Variants in INPP5D observed in about 807,000 individuals in gnomAD.
The protein encoded by INPP5D is phosphatidylinositol 3,4,5-trisphosphate 5-phosphatase 1.
INPP5D carries 33 observed loss-of-function variants against 122.9 expected under a neutral mutation model. The observed-to-expected ratio is 0.27, with a 90% confidence interval of 0.20 to 0.36. The LOEUF (loss-of-function observed/expected upper bound fraction) is 0.36, where lower values mean the gene tolerates loss of function less well. Among genes scored for constraint, INPP5D ranks in the 10% least tolerant of loss-of-function variants. The pLI, the probability that INPP5D is intolerant of heterozygous loss-of-function variation, is 1.00. For missense variants in INPP5D, 1,053 were observed against 1,412.7 expected (o/e 0.75, Z 4.08); for synonymous variants, 584 against 576.2 (o/e 1.01, Z -0.19).
At chr2:233,181,455 C>T (rs1384954621) in intron 18 of INPP5D, among the ~76,000 whole-genome samples, 1 of 152,188 alleles carries the variant, frequency 6.6e-6, no homozygotes, top group Non-Finnish European at 1.5e-5. Context: ...TGTGAAAGCC[C>T]AGACATGCTC....
At chr2:233,139,505 T>TGTGTGTG (rs1574759280) in intron 5 of INPP5D, among the ~76,000 whole-genome samples, 1 of 145,340 alleles carries the variant, frequency 6.9e-6, no homozygotes, top group East Asian at 2.0e-4. Flanking sequence ...TGTGTGTGTG[T>TGTGTGTG]TTTATAAACA....
chr2:233,125,727 T>C lies in INPP5D; in HGVS notation c.350-18T>C. On this transcript the variant is annotated intron_variant, in intron 3 of 26. Coordinates refer to ENST00000445964, the MANE Select transcript of INPP5D (RefSeq NM_001017915.3). Reference sequence around the variant, plus strand: ...CGCACAGTGTCCTCACCAATGGCCTTCCTGCTGTTCTCTCCAGTAGAAAGT... The same window carrying C: ...CGCACAGTGTCCTCACCAATGGCCTCCCTGCTGTTCTCTCCAGTAGAAAGT... 6.2e-7 allele frequency: 1 copy of C among 1,606,154 alleles called. No individual in the cohort carries two copies. The highest frequency in any genetic ancestry group is 8.5e-7 in the Non-Finnish European group (1 of 1,175,724).
chr2:233,204,726 C>A lies in INPP5D; in HGVS notation c.3567+9C>A, dbSNP rs1018104907. 1 of 1,491,700 alleles carries A rather than the reference C, an allele frequency of 6.7e-7. No individual in the cohort carries two copies. The highest frequency in any genetic ancestry group is 8.9e-7 in the Non-Finnish European group (1 of 1,123,526). The allele number at this position is 1,491,700 out of a possible 1,614,324, so 92.4% of individuals were successfully genotyped here. A position where few individuals can be genotyped will look rare whatever the true frequency, so the allele number is the denominator to read the frequency against. On this transcript the variant is annotated intron_variant, in intron 26 of 26. Transcript: ENST00000445964. ...GCAGGACTGCCATGCAGGTGCGCTGCGCCACACGTGGGTTCGTGTGCATTT... is the reference window on the plus strand; with the variant it reads ...GCAGGACTGCCATGCAGGTGCGCTGAGCCACACGTGGGTTCGTGTGCATTT...
intron 13 of INPP5D, among the ~76,000 whole-genome samples, chr2:233,165,990 T>C (rs764840709): frequency 4.6e-5 from 7 of 152,012 alleles, no homozygotes; most frequent in Non-Finnish European, 1.0e-4. Context: ...GTCCCAGAGA[T>C]AACAGGAAAT....
intron 2 of INPP5D, among the ~76,000 whole-genome samples, chr2:233,092,343 A>C (rs1206425403): frequency 1.3e-5 from 2 of 152,220 alleles, no homozygotes; most frequent in African/African-American, 4.8e-5. Context: ...GAAAAGAAGC[A>C]AGCTGGAAAG....
intron 2 of INPP5D, among the ~76,000 whole-genome samples, chr2:233,119,393 A>G (rs1375468086): frequency 2.6e-5 from 4 of 152,128 alleles, no homozygotes; most frequent in African/African-American, 9.7e-5. Flanking sequence ...ATCTTGTATC[A>G]TGTCAAATTA....
chr2:233,118,544 C>T (rs982500537), intron 2 of INPP5D, among the ~76,000 whole-genome samples: 4 of 152,254 alleles, frequency 2.6e-5, no homozygotes, highest in African/African-American at 7.2e-5. Context: ...AAGAGCAAAG[C>T]CTTATGAAGA....
chr2:233,125,650 C>T (rs554107048), intron 3 of INPP5D, 95 bp from the exon 4 acceptor site: 27 of 1,072,188 alleles, frequency 2.5e-5, no homozygotes, highest in East Asian at 2.3e-4. Flanking sequence ...AGATCAATAA[C>T]GTGGGTGTCG....
rs5839471 is a variant in INPP5D at position 233,104,006 on chromosome 2, C to CTTT, written c.199-18081_199-18079dup. Among the ~76,000 whole-genome samples, 93 of 81,828 alleles carry CTTT rather than the reference C, an allele frequency of 1.1e-3. 5 individuals are homozygous for CTTT. The highest frequency in any genetic ancestry group is 2.7e-3 in the East Asian group (8 of 2,920). The allele number at this position is 81,828 out of a possible 152,430, so 53.7% of individuals were successfully genotyped here. The stretch of plus-strand genomic sequence containing the variant: ...ACTGGTGTGAGCCACTGTGCCCTGC[C>CTTT]TTTTTTTTTTTTTTTTTTTTTTGAG... On this transcript the variant is annotated intron_variant, in intron 2 of 26. Coordinates refer to ENST00000445964, the MANE Select transcript of INPP5D (RefSeq NM_001017915.3).
chr2:233,107,683 G>A (rs1574731665), intron 2 of INPP5D, among the ~76,000 whole-genome samples: 2 of 152,256 alleles, frequency 1.3e-5, no homozygotes, highest in Non-Finnish European at 2.9e-5. Context: ...CTAGTGCCAG[G>A]GCCCCCCAGC....
intron 5 of INPP5D, among the ~76,000 whole-genome samples, chr2:233,132,964 C>A (rs1229284341): frequency 6.7e-6 from 1 of 149,358 alleles, no homozygotes; most frequent in Non-Finnish European, 1.5e-5. Flanking sequence ...TCTCAGCTCA[C>A]TGCAGCCTCA....
In INPP5D at chr2:233,182,601, T is replaced by C. The variant is rs79416436; in HGVS notation, c.2161+102T>C. 4,509 of 1,531,396 alleles carry C rather than the reference T, an allele frequency of 2.9e-3. 125 individuals carry two copies. The African/African-American group carries it at 0.053, about 18-fold the overall frequency. 94.9% of individuals were successfully genotyped at this position (1,531,396 alleles called of 1,614,324 possible). A position where few individuals can be genotyped will look rare whatever the true frequency, so the allele number is the denominator to read the frequency against. ...TCAGTGGTCTGCATTAGAGGAAGGCTCATTTTCCCAGGCAAGTCCACAATA... is the reference window on the plus strand; with the variant it reads ...TCAGTGGTCTGCATTAGAGGAAGGCCCATTTTCCCAGGCAAGTCCACAATA... On this transcript the variant is annotated intron_variant, in intron 19 of 26. Transcript: ENST00000445964.
intron 17 of INPP5D, among the ~76,000 whole-genome samples, chr2:233,176,356 G>GATGGATGGATGGATGGATGA (rs59316189): frequency 3.6e-4 from 50 of 139,102 alleles, no homozygotes; most frequent in African/African-American, 9.1e-4. Context: ...TGGATGGATG[G>GATGGATGGATGGATGGATGA]ATAGGCGAAT....
chr2:233,131,766 G>T (rs79325332), intron 5 of INPP5D, among the ~76,000 whole-genome samples: 46 of 152,174 alleles, frequency 3.0e-4, no homozygotes, highest in Non-Finnish European at 6.5e-4. Flanking sequence ...TTTCATACTG[G>T]CAACGGTTTT....
chr2:233,061,771 G>A (rs1360160402), intron 1 of INPP5D, among the ~76,000 whole-genome samples: 17 of 152,220 alleles, frequency 1.1e-4, no homozygotes, highest in East Asian at 7.7e-4. Context: ...TCAAAGCCAC[G>A]GCCATCTGCC....
intron 18 of INPP5D, among the ~76,000 whole-genome samples, chr2:233,179,629 G>A (rs569513418): frequency 8.5e-5 from 13 of 152,328 alleles, no homozygotes; most frequent in East Asian, 7.7e-4. Flanking sequence ...AGTGTCTTCC[G>A]GGGAGGGCTG....
At chr2:233,121,856 A>G (rs1307303368) in intron 2 of INPP5D, among the ~76,000 whole-genome samples, 1 of 152,178 alleles carries the variant, frequency 6.6e-6, no homozygotes, top group Non-Finnish European at 1.5e-5. Flanking sequence ...AAAGTTTTTT[A>G]AAAACGGAAA....
chr2:233,107,320 TTACATGTG>T (rs1692495391), intron 2 of INPP5D, among the ~76,000 whole-genome samples: 1 of 152,130 alleles, frequency 6.6e-6, no homozygotes, highest in Non-Finnish European at 1.5e-5. Flanking sequence ...AACTGGGCTT[TTACATGTG>T]TACTCCAGGC....
At chr2:233,191,517 C>T (rs1194022647) in intron 22 of INPP5D, among the ~76,000 whole-genome samples, 3 of 152,162 alleles carry the variant, frequency 2.0e-5, no homozygotes, top group Non-Finnish European at 2.9e-5. Context: ...GAGACCAAGG[C>T]ACAGCCACAG....
Sources: allele counts gnomAD v4.1 joint callset (sites outside exome capture counted in the v4.1 genomes callset), GRCh38; gene constraint gnomAD v4.1.1; transcripts MANE v1.5; gene names NCBI Gene and HGNC (gene_info 2026-07-23, HGNC 2026-07-21).